ERBB4: variants seen among roughly 807,000 people sequenced by gnomAD.
ERBB4 encodes receptor tyrosine-protein kinase erbB-4.
Under a neutral mutation model 158.0 loss-of-function variants are expected in ERBB4, and 42 were observed. The observed-to-expected ratio is 0.27, with a 90% CI of 0.21 to 0.34. The LOEUF (loss-of-function observed/expected upper bound fraction) is 0.34, where lower values mean the gene tolerates loss of function less well. Ranked by LOEUF, ERBB4 falls within the 10% of genes least tolerant of loss-of-function variation. The probability of loss-of-function intolerance (pLI) is 1.00; values close to 1 mark genes in which losing one functional copy is unlikely to be tolerated. For synonymous variants in ERBB4, 583 were observed against 558.7 expected (o/e 1.04, Z -0.61); for missense variants, 1,333 against 1,624.1 (o/e 0.82, Z 3.08).
Position 212,206,671 on chromosome 2 carries a change from C to T in ERBB4, c.83-81768G>A, listed in dbSNP as rs562065493. Among the ~76,000 whole-genome samples, 16 of 149,212 alleles carry T rather than the reference C, an allele frequency of 1.1e-4. No individual in the cohort carries two copies. In the South Asian group the frequency reaches 2.7e-3, roughly 26 times the overall value. On this transcript the variant is annotated intron_variant, in intron 1 of 27. Coordinates refer to ENST00000342788, the MANE Select transcript of ERBB4 (RefSeq NM_005235.3). ...GTGCTATCTCGGCTCACTGCAAGCT[C>T]CGCCTCCCGGGTTCACGCCATTCTC... is the stretch of plus-strand genomic sequence containing the variant.
At chr2:212,359,315 G>A (rs1002360042) in intron 1 of ERBB4, among the ~76,000 whole-genome samples, 11 of 150,800 alleles carry the variant, frequency 7.3e-5, no homozygotes, top group South Asian at 2.1e-4. Flanking sequence ...AATCTATATC[G>A]CTTTGATAGA....
chr2:211,540,573 G>GT (rs999083562), intron 20 of ERBB4, among the ~76,000 whole-genome samples: 11 of 151,030 alleles, frequency 7.3e-5, no homozygotes, highest in Non-Finnish European at 1.5e-4. Flanking sequence ...GTTTTGTTTT[G>GT]TTTTTTTGGA....
intron 3 of ERBB4, among the ~76,000 whole-genome samples, chr2:211,917,139 A>G (rs571371160): frequency 2.0e-5 from 3 of 152,308 alleles, no homozygotes; most frequent in South Asian, 4.1e-4. Context: ...TATAAGTGCC[A>G]TAAGACAGAG....
At chr2:211,895,884 T>TC (rs1321352427) in intron 3 of ERBB4, among the ~76,000 whole-genome samples, 1 of 152,154 alleles carries the variant, frequency 6.6e-6, no homozygotes, top group Non-Finnish European at 1.5e-5. Flanking sequence ...TTTTCCAGTG[T>TC]CGTCATCTCT....
At chr2:211,455,656 A>G (rs577187830) in intron 20 of ERBB4, among the ~76,000 whole-genome samples, 132 of 152,320 alleles carry the variant, frequency 8.7e-4, no homozygotes, top group African/African-American at 2.7e-3. Flanking sequence ...AGCTTGTTCT[A>G]TGTGATTGCT....
chr2:211,434,543 C>T (rs2063810646), intron 20 of ERBB4, among the ~76,000 whole-genome samples: 1 of 152,096 alleles, frequency 6.6e-6, no homozygotes, highest in Non-Finnish European at 1.5e-5. Flanking sequence ...AAATAAATTT[C>T]TGTTTATGGT....
chr2:211,783,006 CGTGG>C (rs1268882616), intron 4 of ERBB4, among the ~76,000 whole-genome samples: 1 of 123,600 alleles, frequency 8.1e-6, no homozygotes, highest in Non-Finnish European at 1.7e-5. Context: ...TATCCATGAG[CGTGG>C]AATGTTCTTC....
chr2:211,888,417 G>C (rs1299756683), intron 3 of ERBB4, among the ~76,000 whole-genome samples: 2 of 152,146 alleles, frequency 1.3e-5, no homozygotes, highest in Non-Finnish European at 2.9e-5. Flanking sequence ...GAATGTATGT[G>C]TGTACACACA....
chr2:211,412,725 A>C (rs2063288033), intron 25 of ERBB4, among the ~76,000 whole-genome samples: 1 of 151,682 alleles, frequency 6.6e-6, no homozygotes, highest in Non-Finnish European at 1.5e-5. Flanking sequence ...GGAGGCTGAG[A>C]GGGGTGGATG....
chr2:211,536,255 T>C (rs1227632256), intron 20 of ERBB4, among the ~76,000 whole-genome samples: 2 of 152,098 alleles, frequency 1.3e-5, no homozygotes, highest in African/African-American at 4.8e-5. Flanking sequence ...GAAATGAAAT[T>C]ACACACCTTC....
At chr2:211,407,292 T>A (rs774244655) in intron 25 of ERBB4, among the ~76,000 whole-genome samples, 16 of 152,164 alleles carry the variant, frequency 1.1e-4, no homozygotes, top group Non-Finnish European at 2.1e-4. Context: ...AAGAATATCC[T>A]GTAGCCTGGT....
chr2:211,512,714 T>C (rs574182834), intron 20 of ERBB4, among the ~76,000 whole-genome samples: 30 of 152,232 alleles, frequency 2.0e-4, no homozygotes, highest in Admixed American at 1.8e-3. Context: ...CAAAGTACAA[T>C]TCTTTAAAAG....
intron 2 of ERBB4, among the ~76,000 whole-genome samples, chr2:212,041,590 T>TAA (rs775308792): frequency 1.9e-4 from 26 of 139,710 alleles, no homozygotes; most frequent in African/African-American, 6.7e-4. Context: ...TCATATTACA[T>TAA]AAAAAAAAAA....
At chr2:211,470,331 G>A (rs2064800983) in intron 20 of ERBB4, among the ~76,000 whole-genome samples, 1 of 152,050 alleles carries the variant, frequency 6.6e-6, no homozygotes. Context: ...ACTTGGCTGT[G>A]CCCAGACTGA....
At chr2:211,827,159 C>T (rs948197286) in intron 3 of ERBB4, among the ~76,000 whole-genome samples, 4 of 151,916 alleles carry the variant, frequency 2.6e-5, no homozygotes, top group Non-Finnish European at 5.9e-5. Flanking sequence ...TCTTACCCTA[C>T]CCATGCTCTA....
chr2:211,636,931 A>C (rs951896163), intron 16 of ERBB4, among the ~76,000 whole-genome samples: 1 of 151,872 alleles, frequency 6.6e-6, no homozygotes, highest in Non-Finnish European at 1.5e-5. Flanking sequence ...ATACACATTC[A>C]CACGAAAGTG....
At position 212,343,065 on chromosome 2, in the gene ERBB4, T is replaced by C. The variant is rs1291882144; in HGVS notation, c.82+195384A>G. Among the ~76,000 whole-genome samples the C allele has an allele frequency of 3.3e-5, 5 of 152,290 alleles. No individual in the cohort carries two copies. The East Asian group carries it at 9.6e-4, about 29-fold the overall frequency. ...ACCTCACAGTGCTCACCTAGAATTA[T>C]GGTCTGAATAATTTGATAGAGTCTA... On this transcript the variant is annotated intron_variant, in intron 1 of 27. Coordinates refer to ENST00000342788, the MANE Select transcript of ERBB4 (RefSeq NM_005235.3).
intron 20 of ERBB4, among the ~76,000 whole-genome samples, chr2:211,546,982 T>C (rs1222600876): frequency 6.6e-6 from 1 of 152,036 alleles, no homozygotes; most frequent in Admixed American, 6.6e-5. Context: ...ATGAAATAGC[T>C]CTATATCTTG....
chr2:211,500,668 A>G (rs1022008952), intron 20 of ERBB4, among the ~76,000 whole-genome samples: 3 of 152,054 alleles, frequency 2.0e-5, no homozygotes, highest in Non-Finnish European at 4.4e-5. Flanking sequence ...GAATAAGAAA[A>G]GATCTTTTTT....
Sources: gnomAD v4.1 joint callset for allele counts (sites outside exome capture counted in the v4.1 genomes callset) on GRCh38, gnomAD v4.1.1 for gene constraint, MANE v1.5 for transcripts, NCBI Gene and HGNC (gene_info 2026-07-23, HGNC 2026-07-21) for gene names.